Variants in CFAP65 observed in about 807,000 individuals in gnomAD.
CFAP65 encodes cilia- and flagella-associated protein 65.
A neutral mutation model predicts 208.0 loss-of-function variants in CFAP65; 155 were observed. The observed-to-expected ratio is 0.75, with a 90% CI of 0.65 to 0.85. The LOEUF (loss-of-function observed/expected upper bound fraction) is 0.85. Among genes scored for constraint, CFAP65 ranks in the 40% least tolerant of loss-of-function variants. The pLI, the probability that CFAP65 is intolerant of heterozygous loss-of-function variation, is 0.00. For synonymous variants in CFAP65, 970 were observed against 986.3 expected (o/e 0.98, Z 0.31); for missense variants, 2,294 against 2,451.3 (o/e 0.94, Z 1.36).
rs1430258666 is a variant in CFAP65, at chr2:219,031,060, G to A, written c.1015+46C>T. The A allele has an allele frequency of 6.5e-6, 10 of 1,540,570 alleles. No homozygotes were observed. The highest frequency in any genetic ancestry group is 2.0e-5 in the Admixed American group (1 of 51,096). On this transcript the variant is annotated intron_variant, in intron 8 of 34. Transcript: ENST00000341552. The surrounding 1 kb of genome is among the most constrained non-coding windows in gnomAD (Gnocchi z 5.2). ...ACACTGAGGCCTGGAGGACCCAGAA[G>A]GTGCAGGAGGGGCCAGTCTGGGGAC...
chr2:219,023,571 G>A (rs359978), intron 15 of CFAP65, 140 bp from the exon 16 acceptor site: 19,836 of 651,332 alleles, frequency 0.03, 1,793 homozygotes, highest in African/African-American at 0.23. Flanking sequence ...CCCGTGTACC[G>A]GCAGTTTCTG....
chr2:219,038,082 C>T (rs912963751), intron 4 of CFAP65, among the ~76,000 whole-genome samples: 1 of 152,236 alleles, frequency 6.6e-6, no homozygotes, highest in Admixed American at 6.5e-5. Context: ...GCTCCCAGCA[C>T]TCCAGTGTGC....
At chr2:219,008,814 T>A (rs573345203) in intron 29 of CFAP65, among the ~76,000 whole-genome samples, 1 of 152,290 alleles carries the variant, frequency 6.6e-6, no homozygotes, top group African/African-American at 2.4e-5. Flanking sequence ...CAGTAGCCAC[T>A]CATTAAATGC....
intron 20 of CFAP65, 27 bp downstream of exon 20, chr2:219,019,479 C>A: frequency 1.3e-6 from 2 of 1,590,768 alleles, no homozygotes; most frequent in Non-Finnish European, 1.7e-6. Context: ...GCCCCCAGCC[C>A]CCACCCCCAC....
At chr2:219,014,150 G>A (rs1301534584) in intron 21 of CFAP65, 106 bp from the exon 22 acceptor site, 10 of 926,374 alleles carry the variant, frequency 1.1e-5, no homozygotes, top group Non-Finnish European at 1.2e-5. Flanking sequence ...CATGACTCCC[G>A]CACTTCATGC....
At position 219,021,925 on chromosome 2, in the gene CFAP65, C is replaced by T. The variant is rs373092880; in HGVS notation, c.2985G>A (p.Lys995=). 1 of 1,613,398 alleles carries T rather than the reference C, an allele frequency of 6.2e-7. No individual in the cohort carries two copies. The highest frequency in any genetic ancestry group is 1.3e-5 in the African/African-American group (1 of 75,068). Residue 995 remains lysine, a synonymous_variant, in exon 18 of 35, where the codon AAG becomes AAA. Coordinates refer to ENST00000341552, the MANE Select transcript of CFAP65 (RefSeq NM_194302.4). ...CATTCCCAAAGGCCAGCTCCTTTTC[C>T]TTTGCCTGGAGGCCACAGTCAGCCA... The part of the protein sequence containing the change: ...GVGLTSSLSA[K]EKELAFGNVL...
At chr2:219,030,933 T>G in intron 8 of CFAP65, 99 bp from the exon 9 acceptor site, 1 of 1,496,410 alleles carries the variant, frequency 6.7e-7, no homozygotes, top group Non-Finnish European at 9.0e-7. Flanking sequence ...CAGGGAAAAT[T>G]TAGCCTGTAA....
chr2:219,019,703 C>T lies in CFAP65; in HGVS notation c.3276G>A (p.Glu1092=), dbSNP rs759275395. ...LLSHRDNKAG[E]KQELCCVSLV... is the part of the protein sequence containing the mutation. ...GGGAGACGCAGCACAGCTCCTGCTT[C>T]TCCCCAGCCTTGTTATCTGGGGAGG... Residue 1092 remains glutamate, a synonymous_variant, in exon 20 of 35, where the codon GAG becomes GAA. Coordinates refer to ENST00000341552, the MANE Select transcript of CFAP65 (RefSeq NM_194302.4). The T allele has an allele frequency of 3.1e-6, 5 of 1,613,148 alleles. No homozygotes were observed. The highest frequency in any genetic ancestry group is 1.3e-5 in the African/African-American group (1 of 74,934).
At position 219,027,487 on chromosome 2, in the gene CFAP65, T is replaced by C. The variant is rs575972483; in HGVS notation, c.2211+163A>G. 95 of 1,580,456 alleles carry C rather than the reference T, an allele frequency of 6.0e-5. 1 individual carries two copies. In the East Asian group the frequency reaches 2.1e-3, roughly 34 times the overall value. The stretch of plus-strand genomic sequence containing the variant: ...GATGGGCCGAGCTAGGCCAGGAGCT[T>C]TGGAGGAGACAAACTCATAGGGGTC... On this transcript the variant is annotated intron_variant, in intron 13 of 34. Coordinates refer to ENST00000341552, the MANE Select transcript of CFAP65 (RefSeq NM_194302.4).
chr2:219,035,751 C>T (rs1948319696), intron 4 of CFAP65, 87 bp from the exon 5 acceptor site: 17 of 1,506,356 alleles, frequency 1.1e-5, no homozygotes, highest in East Asian at 4.6e-5. Flanking sequence ...TGAAGGTCTT[C>T]GTCCTCCACC....
At position 219,030,087 on chromosome 2, in the gene CFAP65, A is replaced by G; in HGVS notation, c.1283T>C (p.Phe428Ser). 1.2e-6 allele frequency: 2 copies of G among 1,614,070 alleles called. No individual in the cohort carries two copies. The highest frequency in any genetic ancestry group is 1.7e-6 in the Non-Finnish European group (2 of 1,179,988). ...PGEKKCVSVF[F>S]HPKTLDTRTV... Reference sequence around the variant, plus strand: ...TCTGGTGTCCAGAGTCTTGGGGTGGAAGAACACCGACACACATTTCTTCTC... The same window carrying G: ...TCTGGTGTCCAGAGTCTTGGGGTGGGAGAACACCGACACACATTTCTTCTC... The change falls in exon 10 of 35, where the codon TTC becomes TCC. Residue 428 changes from phenylalanine (F) to serine (S), a missense_variant. Physicochemically the swap from Phe to Ser is radical, Grantham distance 155 (BLOSUM62 -2). Transcript: ENST00000341552.
Position 219,032,706 on chromosome 2 carries a change from G to A in CFAP65, c.543-134C>T, listed in dbSNP as rs1948130368. ...CACAGAGAAAGCGATCAGGAGATGA[G>A]CACGTGGAGATGGAAACTCAGGGGT... On this transcript the variant is annotated intron_variant, in intron 5 of 34. Transcript: ENST00000341552. The surrounding 1 kb of genome is among the most constrained non-coding windows in gnomAD (Gnocchi z 5.5). 1 of 700,666 alleles carries A rather than the reference G, an allele frequency of 1.4e-6. No homozygotes were observed. Among genetic ancestry groups the A allele is most frequent in the Admixed American group, 2.9e-5 (1 of 34,692 alleles). 43.4% of individuals were successfully genotyped at this position (700,666 alleles called of 1,614,324 possible). A position where few individuals can be genotyped will look rare whatever the true frequency, so the allele number is the denominator to read the frequency against.
intron 31 of CFAP65, 89 bp from the exon 32 acceptor site, chr2:219,005,651 G>T: frequency 6.6e-7 from 1 of 1,504,996 alleles, no homozygotes. Flanking sequence ...GCCCAGTGAT[G>T]AGGACACAGA....
At chr2:219,019,799 G>A (rs1947158762) in intron 19 of CFAP65, 80 bp from the exon 20 acceptor site, 1 of 1,242,790 alleles carries the variant, frequency 8.0e-7, no homozygotes, top group Non-Finnish European at 1.2e-6. Flanking sequence ...AAAGGTGCAG[G>A]AGTCCTGGGC....
chr2:219,011,073 C>T (rs748748772), intron 24 of CFAP65, 77 bp from the exon 25 acceptor site: 286 of 1,383,294 alleles, frequency 2.1e-4, no homozygotes, highest in Non-Finnish European at 2.6e-4. Flanking sequence ...GCTGTGCCCA[C>T]TGTGGGAGGG....
chr2:219,013,856 G>T lies in CFAP65; in HGVS notation c.3779+12C>A, dbSNP rs1212469603. On this transcript the variant is annotated intron_variant, in intron 22 of 34. Coordinates refer to ENST00000341552, the MANE Select transcript of CFAP65 (RefSeq NM_194302.4). ...GACTGGAAGTGCAGGGGGTTTGGGG[G>T]GTGGGGAACACCTGTATTTTAACTC... is the stretch of plus-strand genomic sequence containing the variant. 6 of 1,575,804 alleles carry T rather than the reference G, an allele frequency of 3.8e-6. No homozygotes were observed. In the South Asian group the frequency reaches 7.1e-5, roughly 19 times the overall value.
At chr2:219,026,835 C>T (rs1197726828) in intron 13 of CFAP65, 5 of 986,324 alleles carry the variant, frequency 5.1e-6, no homozygotes, top group Non-Finnish European at 6.0e-6. Context: ...GCATCTACAA[C>T]CTTATTCCTA....
rs765471168 is a variant in CFAP65, at chr2:219,024,120, T to G, written c.2490A>C (p.Ala830=). Reference sequence around the variant, plus strand: ...TGAGGATGATCTGGTGGGCCCCGGGTGCCACAAGGCCCGAAGTGGGCCGAA... The same window carrying G: ...TGAGGATGATCTGGTGGGCCCCGGGGGCCACAAGGCCCGAAGTGGGCCGAA... ...VILRPTSGLV[A]PGAHQIILIC... The change falls in exon 15 of 35, where the codon GCA becomes GCC. Residue 830 remains alanine (A), a synonymous_variant. Coordinates refer to ENST00000341552, the MANE Select transcript of CFAP65 (RefSeq NM_194302.4). 89 of 1,613,772 alleles carry G rather than the reference T, an allele frequency of 5.5e-5. No homozygotes were observed. Among genetic ancestry groups the G allele is most frequent in the Admixed American group, 3.5e-4 (21 of 60,004 alleles).
intron 11 of CFAP65, 112 bp downstream of exon 11, chr2:219,029,291 G>A: frequency 7.3e-7 from 1 of 1,376,608 alleles, no homozygotes; most frequent in African/African-American, 1.4e-5. Flanking sequence ...CCACCAGGCA[G>A]ACAGCCCTAG....
Sources: gnomAD v4.1 joint callset for allele counts (sites outside exome capture counted in the v4.1 genomes callset) on GRCh38, gnomAD v4.1.1 for gene constraint, Gnocchi (gnomAD v3.1) non-coding constraint, MANE v1.5 for transcripts, NCBI Gene and HGNC (gene_info 2026-07-23, HGNC 2026-07-21) for gene names.